CYP19A1: variants seen among roughly 807,000 people sequenced by gnomAD.
CYP19A1 encodes cytochrome P450 family 19 subfamily A member 1, also known as aromatase.
In CYP19A1, 32 loss-of-function variants were observed where a neutral mutation model predicts 44.4. That is an observed-to-expected ratio of 0.72 (90% CI 0.54 to 0.97). The LOEUF (loss-of-function observed/expected upper bound fraction) is 0.97. Ranked by LOEUF, CYP19A1 falls within the 50% of genes least tolerant of loss-of-function variation. The pLI, the probability that CYP19A1 is intolerant of heterozygous loss-of-function variation, is 0.00. For missense variants in CYP19A1, 598 were observed against 637.8 expected (o/e 0.94, Z 0.67); for synonymous variants, 212 against 215.6 (o/e 0.98, Z 0.14).
intron 5 of CYP19A1, among the ~76,000 whole-genome samples, chr15:51,218,951 G>A (rs2031831800): frequency 6.6e-6 from 1 of 152,164 alleles, no homozygotes; most frequent in Non-Finnish European, 1.5e-5. Flanking sequence ...TTCTCCTTGG[G>A]CTGAGCTTTC....
intron 5 of CYP19A1, chr15:51,221,542 T>G (rs1482054683): frequency 6.6e-6 from 1 of 152,192 alleles, no homozygotes; most frequent in Non-Finnish European, 1.5e-5. Context: ...GTCATTAGGT[T>G]AAAAAGTTAT....
At chr15:51,319,369 C>CT (rs2036487512) in intron 1 of CYP19A1, among the ~76,000 whole-genome samples, 1 of 152,202 alleles carries the variant, frequency 6.6e-6, no homozygotes, top group South Asian at 2.1e-4. Context: ...AGATCAGACA[C>CT]TTTAAGTAAT....
chr15:51,210,942 C>G lies in CYP19A1; in HGVS notation c.1378G>C (p.Val460Leu), dbSNP rs372500474. The change falls in exon 10 of 10, where the codon GTG (valine) becomes CTG (leucine). Residue 460 changes from valine to leucine, a missense_variant. Val to Leu is a conservative substitution (Grantham distance 32). Coordinates refer to ENST00000396402, the MANE Select transcript of CYP19A1 (RefSeq NM_000103.4). ...ACACACTGTCCTTGCAATGTCTTCA[C>G]GTGGAATCGTCTCAGAAGTGTAACG... ...ILVTLLRRFH[V>L]KTLQGQCVES... 2.5e-6 allele frequency: 4 copies of G among 1,609,478 alleles called. No individual in the cohort carries two copies. The highest frequency in any genetic ancestry group is 3.4e-6 in the Non-Finnish European group (4 of 1,175,776).
intron 1 of CYP19A1, among the ~76,000 whole-genome samples, chr15:51,253,180 G>C (rs377193470): frequency 1.2e-4 from 18 of 152,162 alleles, no homozygotes; most frequent in African/African-American, 4.3e-4. Context: ...GGTATTTCTT[G>C]ATGTGGTTAC....
chr15:51,338,546 T>A lies in CYP19A1; in HGVS notation c.-90A>T, dbSNP rs922691830. On this transcript the variant is annotated 5_prime_UTR_variant, in exon 1 of 10. Coordinates refer to ENST00000396402, the MANE Select transcript of CYP19A1 (RefSeq NM_000103.4). ...GGACCTTCCGTCCTGATAGGATAAG[T>A]TCTTCTTCACCTTCCTGTTTGCCTC... 6.6e-6 allele frequency: 1 copy of A among 152,258 alleles called. No individual in the cohort carries two copies. Among genetic ancestry groups the A allele is most frequent in the Non-Finnish European group, 1.5e-5 (1 of 68,082 alleles). The allele number at this position is 152,258 out of a possible 1,614,324, so 9.4% of individuals were successfully genotyped here. A position where few individuals can be genotyped will look rare whatever the true frequency, so the allele number is the denominator to read the frequency against.
chr15:51,284,042 G>A (rs1377463671), intron 1 of CYP19A1, among the ~76,000 whole-genome samples: 2 of 152,136 alleles, frequency 1.3e-5, no homozygotes, highest in African/African-American at 2.4e-5. Context: ...GTGCATACAG[G>A]AATAATTGAC....
intron 8 of CYP19A1, among the ~76,000 whole-genome samples, chr15:51,213,463 T>G (rs1244855182): frequency 1.3e-5 from 2 of 152,164 alleles, no homozygotes; most frequent in Non-Finnish European, 2.9e-5. Flanking sequence ...GTCAGAGTCT[T>G]CTCATGGCCC....
At chr15:51,331,825 C>G (rs2036706240) in intron 1 of CYP19A1, among the ~76,000 whole-genome samples, 2 of 151,908 alleles carry the variant, frequency 1.3e-5, no homozygotes, top group African/African-American at 4.8e-5. Flanking sequence ...TTCTTTCCTG[C>G]TTTGTTATTT....
chr15:51,238,614 G>A (rs939838315), intron 2 of CYP19A1, among the ~76,000 whole-genome samples: 2 of 152,074 alleles, frequency 1.3e-5, no homozygotes, highest in Admixed American at 1.3e-4. Context: ...TCAGCCTCCC[G>A]AGTAGCTGGG....
intron 3 of CYP19A1, among the ~76,000 whole-genome samples, chr15:51,235,481 T>C (rs2033333800): frequency 6.6e-6 from 1 of 152,198 alleles, no homozygotes; most frequent in South Asian, 2.1e-4. Context: ...GAAATGATGT[T>C]TCCACCTGAA....
At chr15:51,311,540 T>C (rs1002341730) in intron 1 of CYP19A1, among the ~76,000 whole-genome samples, 3 of 152,232 alleles carry the variant, frequency 2.0e-5, no homozygotes, top group Admixed American at 2.0e-4. Flanking sequence ...AGAAAGAGAT[T>C]GTTATAGAAC....
intron 7 of CYP19A1, 145 bp downstream of exon 7, chr15:51,215,558 G>T: frequency 1.3e-6 from 2 of 1,512,458 alleles, no homozygotes; most frequent in South Asian, 2.4e-5. Context: ...TCTAATGTGT[G>T]GGCTATTTGG....
chr15:51,323,723 C>G (rs2036564537), intron 1 of CYP19A1: 1 of 152,346 alleles, frequency 6.6e-6, no homozygotes, highest in Admixed American at 6.5e-5. Context: ...AGCCCTGACA[C>G]TCAGAGCCCT....
At chr15:51,282,855 C>T (rs1232235406) in intron 1 of CYP19A1, among the ~76,000 whole-genome samples, 1 of 152,166 alleles carries the variant, frequency 6.6e-6, no homozygotes, top group African/African-American at 2.4e-5. Flanking sequence ...AAAGTGAAAG[C>T]AAATATTCTG....
rs528949089 is a variant in CYP19A1 at position 51,288,605 on chromosome 15, TCCTTTGTTCTTGTCC to T, written c.-38-45670_-38-45656del. On this transcript the variant is annotated intron_variant, in intron 1 of 9. Transcript: ENST00000396402. ...CAGAGAAACTCTCCTCTCAGCCTCC[TCCTTTGTTCTTGTCC>T]CCACTCACTCTCCCATCCTTGCTTT... 2.2e-4 allele frequency among the ~76,000 whole-genome samples: 34 copies of T among 152,304 alleles called. 1 individual carries two copies. The East Asian group carries it at 6.6e-3, about 29-fold the overall frequency.
chr15:51,214,675 T>G (rs1317753941), intron 8 of CYP19A1, among the ~76,000 whole-genome samples: 1 of 152,160 alleles, frequency 6.6e-6, no homozygotes, highest in African/African-American at 2.4e-5. Flanking sequence ...TTTTGTAAAA[T>G]GGACAAATCC....
chr15:51,335,820 G>C (rs1014034780), intron 1 of CYP19A1, among the ~76,000 whole-genome samples: 2 of 152,182 alleles, frequency 1.3e-5, no homozygotes, highest in African/African-American at 4.8e-5. Flanking sequence ...AAAGGCCTCA[G>C]CCCTACAAGG....
At chr15:51,322,644 G>A (rs954711522) in intron 1 of CYP19A1, among the ~76,000 whole-genome samples, 13 of 152,152 alleles carry the variant, frequency 8.5e-5, no homozygotes, top group African/African-American at 2.7e-4. Context: ...TCTGATGCTT[G>A]ACAAAATGTT....
At position 51,228,882 on chromosome 15, in the gene CYP19A1, G is replaced by A. The variant is rs180826748; in HGVS notation, c.297-949C>T. On this transcript the variant is annotated intron_variant, in intron 3 of 9. Coordinates refer to ENST00000396402, the MANE Select transcript of CYP19A1 (RefSeq NM_000103.4). ...TCACAGCTGCAAATTCTCCCACTAT[G>A]GAGGTTTTCAGAACAAATAACCCTC... 9.2e-5 allele frequency among the ~76,000 whole-genome samples: 14 copies of A among 152,232 alleles called. 1 individual carries two copies. The highest frequency in any genetic ancestry group is 1.5e-5 in the Non-Finnish European group (1 of 68,024).
Sources: gnomAD v4.1 joint callset for allele counts (sites outside exome capture counted in the v4.1 genomes callset) on GRCh38, gnomAD v4.1.1 for gene constraint, MANE v1.5 for transcripts, NCBI Gene and HGNC (gene_info 2026-07-23, HGNC 2026-07-21) for gene names.